The following MACF1 variants were observed in gnomAD, a reference collection of about 807,000 sequenced individuals.
MACF1 encodes the protein microtubule-actin cross-linking factor 1.
A neutral mutation model predicts 854.8 loss-of-function variants in MACF1; 193 were observed. The ratio of observed to expected loss-of-function variants is 0.23; its 90% CI spans 0.20 to 0.25. MACF1 has a LOEUF of 0.25. MACF1 is among the 10% of genes least tolerant of loss of function. The pLI, the probability that MACF1 is intolerant of heterozygous loss-of-function variation, is 1.00. For synonymous variants in MACF1, 3,185 were observed against 3,226.7 expected (o/e 0.99, Z 0.44); for missense variants, 7,722 against 8,929.1 (o/e 0.86, Z 5.45).
At chr1:39,160,577 T>G (rs1241826838) in intron 2 of MACF1, among the ~76,000 whole-genome samples, 1 of 152,252 alleles carries the variant, frequency 6.6e-6, no homozygotes, top group African/African-American at 2.4e-5. Context: ...GCAGTTTCTC[T>G]TGTTGACCCA....
chr1:39,209,254 T>TA (rs1374149658), intron 1 of MACF1, among the ~76,000 whole-genome samples: 9 of 151,884 alleles, frequency 5.9e-5, no homozygotes, highest in Non-Finnish European at 1.3e-4. Flanking sequence ...TTAACTTGAA[T>TA]AAAAAATTAA....
At position 39,387,305 on chromosome 1, in the gene MACF1, A is replaced by C. The variant is rs772314023; in HGVS notation, c.14463A>C (p.Pro4821=). ...AAAGCCAGCAAGCAAAAAACTGCCC[A>C]ATTTCTGCAAAATTGGAGCGGCTAC... The part of the protein sequence containing the change: ...DKQSQQAKNC[P]ISAKLERLQS... The change falls in exon 58 of 101, where the codon CCA becomes CCC. Residue 4821 remains proline (P), a synonymous_variant. Transcript: ENST00000564288. 1 of 1,614,220 alleles carries C rather than the reference A, an allele frequency of 6.2e-7. No individual in the cohort carries two copies. The highest frequency in any genetic ancestry group is 1.1e-5 in the South Asian group (1 of 91,086).
Position 39,358,856 on chromosome 1 carries a change from C to G in MACF1, c.12103C>G (p.Gln4035Glu). 1 of 1,608,328 alleles carries G rather than the reference C, an allele frequency of 6.2e-7. No homozygotes were observed. Among genetic ancestry groups the G allele is most frequent in the Non-Finnish European group, 8.5e-7 (1 of 1,178,438 alleles). ...VASDPGVLQE[Q>E]LATTKQLQEE... ...CTCTGACCCTGGAGTTCTCCAGGAG[C>G]AGCTTGCAACAACAAAGGTAAGTCA... Residue 4035 changes from glutamine (Q) to glutamate (E), a missense_variant, in exon 46 of 101, where the codon CAG (glutamine) becomes GAG (glutamate). Around this residue, in one of 15 missense-constraint regions of MACF1, gnomAD observed 2,807 missense variants for 3,235.8 expected, o/e 0.87. Transcript: ENST00000564288.
At chr1:39,374,833 G>T (rs189228009) in intron 52 of MACF1, among the ~76,000 whole-genome samples, 1 of 151,994 alleles carries the variant, frequency 6.6e-6, no homozygotes, top group African/African-American at 2.4e-5. Flanking sequence ...GTTGGCTGCC[G>T]GGCGCAGTGG....
intron 61 of MACF1, among the ~76,000 whole-genome samples, chr1:39,426,768 G>T (rs1217126063): frequency 6.6e-6 from 1 of 150,510 alleles, no homozygotes; most frequent in Non-Finnish European, 1.5e-5. Context: ...TTTTTTGTTT[G>T]GTTTTTTTTT....
chr1:39,342,842 C>A (rs1340461431), intron 40 of MACF1, among the ~76,000 whole-genome samples: 1 of 151,974 alleles, frequency 6.6e-6, no homozygotes, highest in Non-Finnish European at 1.5e-5. Context: ...AAATAAAGGG[C>A]CAGATAATAA....
At chr1:39,173,563 G>T (rs1216928655) in intron 2 of MACF1, among the ~76,000 whole-genome samples, 1 of 152,164 alleles carries the variant, frequency 6.6e-6, no homozygotes, top group Admixed American at 6.5e-5. Context: ...ATCTTCAGAT[G>T]TGTTTTTCCT....
At chr1:39,319,603 A>C (rs1164123509) in intron 30 of MACF1, 61 bp from the exon 31 acceptor site, 5 of 1,171,638 alleles carry the variant, frequency 4.3e-6, no homozygotes, top group Non-Finnish European at 6.4e-6. Flanking sequence ...AACATAGTAA[A>C]TGTTCAGCTC....
At chr1:39,414,618 G>C in intron 58 of MACF1, 1 of 1,324,372 alleles carries the variant, frequency 7.6e-7, no homozygotes, top group Admixed American at 2.5e-5. Context: ...TAGTCTTTCT[G>C]TTCAGTTTTT....
At chr1:39,484,831 G>A in intron 100 of MACF1, 101 bp downstream of exon 100, 2 of 1,389,826 alleles carry the variant, frequency 1.4e-6, no homozygotes, top group East Asian at 2.3e-5. Flanking sequence ...AATGAGAGTG[G>A]CACTTAGTGT....
Position 39,485,554 on chromosome 1 carries a change from C to T in MACF1, c.22428C>T (p.Ala7476=), listed in dbSNP as rs750888665. Reference sequence around the variant, plus strand: ...GAATTCCAGACCCTAAAAAGTCTGCCAGTCGCCCTGGGAGTCGGGCTGGGA... The same window carrying T: ...GAATTCCAGACCCTAAAAAGTCTGCTAGTCGCCCTGGGAGTCGGGCTGGGA... The part of the protein sequence containing the change: ...KTNRADPKKS[A]SRPGSRAGSR... The change falls in exon 101 of 101, where the codon GCC becomes GCT. Residue 7476 remains alanine, a synonymous_variant. Coordinates refer to ENST00000564288, the MANE Select transcript of MACF1 (RefSeq NM_001394062.1). 1.9e-6 allele frequency: 3 copies of T among 1,613,168 alleles called. No individual in the cohort carries two copies. The highest frequency in any genetic ancestry group is 1.6e-4 in the Middle Eastern group (1 of 6,062).
At chr1:39,384,087 A>G (rs1650484411) in intron 56 of MACF1, among the ~76,000 whole-genome samples, 1 of 152,136 alleles carries the variant, frequency 6.6e-6, no homozygotes. Context: ...TATGTCTGCT[A>G]ATCCTAGACC....
At chr1:39,142,219 C>G (rs1021069027) in intron 2 of MACF1, among the ~76,000 whole-genome samples, 4 of 152,192 alleles carry the variant, frequency 2.6e-5, no homozygotes, top group African/African-American at 4.8e-5. Context: ...ACAGCTGACC[C>G]TCTGGTAGCT....
Position 39,316,505 on chromosome 1 carries a change from G to T in MACF1, c.3564G>T (p.Leu1188=). 6.2e-7 allele frequency: 1 copy of T among 1,613,672 alleles called. No homozygotes were observed. The highest frequency in any genetic ancestry group is 8.5e-7 in the Non-Finnish European group (1 of 1,179,736). Reference sequence around the variant, plus strand: ...TAGTACTGGCAGATCTCTCAGCTCTGGAGGCCCATTGGTCGACATTACGGG... The same window carrying T: ...TAGTACTGGCAGATCTCTCAGCTCTTGAGGCCCATTGGTCGACATTACGGG... ...EEVVLADLSA[L]EAHWSTLRHW... is the part of the protein sequence containing the mutation. Residue 1188 remains leucine (L), a synonymous_variant, in exon 28 of 101, where the codon CTG becomes CTT. Coordinates refer to ENST00000564288, the MANE Select transcript of MACF1 (RefSeq NM_001394062.1).
intron 4 of MACF1, 43 bp downstream of exon 4, chr1:39,251,984 G>GCCA: frequency 3.0e-6 from 4 of 1,339,344 alleles, no homozygotes; most frequent in Non-Finnish European, 4.0e-6. Context: ...TGGCACTGCT[G>GCCA]GCACTGCAGG....
chr1:39,483,086 CA>C (rs1198703166), intron 99 of MACF1, among the ~76,000 whole-genome samples: 6 of 22,770 alleles, frequency 2.6e-4, no homozygotes, highest in African/African-American at 8.7e-4. Context: ...GACTCTGTCT[CA>C]AAAAAAAAAA....
intron 48 of MACF1, 127 bp from the exon 49 acceptor site, chr1:39,361,233 T>C: frequency 1.1e-6 from 1 of 929,634 alleles, no homozygotes; most frequent in African/African-American, 1.7e-5. Flanking sequence ...ATGAGATGTG[T>C]GGTATTCTGG....
At chr1:39,277,693 G>A (rs2148372277) in intron 6 of MACF1, among the ~76,000 whole-genome samples, 1 of 152,264 alleles carries the variant, frequency 6.6e-6, no homozygotes, top group African/African-American at 2.4e-5. Flanking sequence ...TTGTTGCTGA[G>A]CAATCCTCTG....
At chr1:39,116,469 G>A (rs1318333498) in intron 2 of MACF1, among the ~76,000 whole-genome samples, 1 of 152,008 alleles carries the variant, frequency 6.6e-6, no homozygotes, top group African/African-American at 2.4e-5. Flanking sequence ...CAACCTGATT[G>A]TAATAGATTC....
Sources: gnomAD v4.1 joint callset for allele counts (sites outside exome capture counted in the v4.1 genomes callset) on GRCh38, gnomAD v4.1.1 for gene constraint, gnomAD v4.1.1 regional missense constraint, MANE v1.5 for transcripts, NCBI Gene and HGNC (gene_info 2026-07-23, HGNC 2026-07-21) for gene names.